Variants in OPCML observed in about 807,000 individuals in gnomAD.
OPCML encodes the protein opioid binding protein/cell adhesion molecule like, also known as opioid-binding protein/cell adhesion molecule.
Under a neutral mutation model 37.8 loss-of-function variants are expected in OPCML, and 13 were observed. The observed-to-expected ratio is 0.34, with a 90% confidence interval of 0.22 to 0.55. OPCML has a LOEUF of 0.55. Ranked by LOEUF, OPCML falls within the 20% of genes least tolerant of loss-of-function variation. The probability of loss-of-function intolerance (pLI) is 0.91; values close to 1 mark genes in which losing one functional copy is unlikely to be tolerated. For missense variants in OPCML, 341 were observed against 435.6 expected, an observed-to-expected ratio of 0.78 and a Z score of 1.93; for synonymous variants, 176 against 168.8, an observed-to-expected ratio of 1.04 and a Z score of -0.33.
chr11:133,083,174 G>T (rs1370084911), intron 1 of OPCML, among the ~76,000 whole-genome samples: 1 of 152,062 alleles, frequency 6.6e-6, no homozygotes, highest in Non-Finnish European at 1.5e-5. Flanking sequence ...ACCCCGCCGA[G>T]CGGGCCGCAC....
chr11:132,602,474 C>T (rs1937987892), intron 3 of OPCML, among the ~76,000 whole-genome samples: 2 of 152,086 alleles, frequency 1.3e-5, no homozygotes. Context: ...CTAGATTTTA[C>T]AGTTACAAAA....
intron 2 of OPCML, among the ~76,000 whole-genome samples, chr11:132,926,486 G>A (rs1390331199): frequency 6.6e-6 from 1 of 152,074 alleles, no homozygotes; most frequent in African/African-American, 2.4e-5. Flanking sequence ...TGTGTATACA[G>A]GAATGGAAAA....
At chr11:133,213,066 G>A (rs570305230) in intron 1 of OPCML, among the ~76,000 whole-genome samples, 121 of 152,218 alleles carry the variant, frequency 7.9e-4, no homozygotes, top group Admixed American at 1.2e-3. Context: ...AGTAGCTGCC[G>A]CTATGATGTA....
chr11:133,374,508 G>A (rs149617966), intron 1 of OPCML, among the ~76,000 whole-genome samples: 292 of 152,316 alleles, frequency 1.9e-3, no homozygotes, highest in African/African-American at 6.8e-3. Flanking sequence ...TTAGAAATGG[G>A]AGGAAAATGC....
At chr11:133,114,748 G>T (rs1029486424) in intron 1 of OPCML, among the ~76,000 whole-genome samples, 6 of 152,086 alleles carry the variant, frequency 3.9e-5, no homozygotes, top group Non-Finnish European at 7.3e-5. Flanking sequence ...GAATTGAGTG[G>T]GTGCTAAATA....
chr11:133,247,540 TTTTCTTTCTTTCTTTCTTTC>T (rs68035695), intron 1 of OPCML, among the ~76,000 whole-genome samples: 4 of 122,408 alleles, frequency 3.3e-5, no homozygotes, highest in Non-Finnish European at 4.8e-5. Flanking sequence ...CTTTCCTTCT[TTTTCTTTCTTTCTTTCTTTC>T]TTTCTTTCTT....
At chr11:132,446,021 T>C (rs779605974) in intron 4 of OPCML, among the ~76,000 whole-genome samples, 1 of 149,562 alleles carries the variant, frequency 6.7e-6, no homozygotes, top group African/African-American at 2.5e-5. Context: ...GATCCCCAGA[T>C]AGTCAAACGA....
intron 1 of OPCML, among the ~76,000 whole-genome samples, chr11:133,526,799 G>C (rs1948500537): frequency 6.6e-6 from 1 of 152,208 alleles, no homozygotes; most frequent in South Asian, 2.1e-4. Flanking sequence ...AAAGGCAAGA[G>C]GGACAAATGT....
intron 1 of OPCML, among the ~76,000 whole-genome samples, chr11:133,369,140 C>A (rs1345686888): frequency 6.6e-6 from 1 of 152,132 alleles, no homozygotes; most frequent in Non-Finnish European, 1.5e-5. Context: ...ATTAGTCTGC[C>A]CTCTTATTTC....
At chr11:133,270,858 T>C (rs1416504944) in intron 1 of OPCML, among the ~76,000 whole-genome samples, 1 of 152,180 alleles carries the variant, frequency 6.6e-6, no homozygotes, top group Non-Finnish European at 1.5e-5. Context: ...GTCTCTGCTG[T>C]GCTACCAAGT....
intron 1 of OPCML, among the ~76,000 whole-genome samples, chr11:133,345,625 CT>C (rs1943982053): frequency 6.6e-6 from 1 of 152,134 alleles, no homozygotes; most frequent in South Asian, 2.1e-4. Flanking sequence ...CCACAATGTT[CT>C]TTTTTTGCAC....
At chr11:133,359,145 G>A (rs987153899) in intron 1 of OPCML, among the ~76,000 whole-genome samples, 4 of 152,116 alleles carry the variant, frequency 2.6e-5, no homozygotes, top group Non-Finnish European at 5.9e-5. Flanking sequence ...TGTTTGATTC[G>A]CTTGCTATTC....
intron 1 of OPCML, among the ~76,000 whole-genome samples, chr11:133,160,110 G>T (rs565075518): frequency 1.1e-4 from 16 of 152,168 alleles, no homozygotes; most frequent in Non-Finnish European, 2.1e-4. Context: ...TCAGAAATTC[G>T]AAAGTATCCT....
At chr11:133,039,330 G>A (rs1947841723) in intron 1 of OPCML, among the ~76,000 whole-genome samples, 1 of 152,188 alleles carries the variant, frequency 6.6e-6, no homozygotes, top group Admixed American at 6.5e-5. Flanking sequence ...GCAGGTCTCA[G>A]GAGGGGCACA....
At chr11:133,230,960 T>A (rs1171681997) in intron 1 of OPCML, among the ~76,000 whole-genome samples, 1 of 152,130 alleles carries the variant, frequency 6.6e-6, no homozygotes, top group Admixed American at 6.5e-5. Flanking sequence ...CTGCCACCTC[T>A]CATAACCAGG....
rs150400405 is a variant in OPCML at position 132,946,599 on chromosome 11, G to A, written c.62-3589C>T. On this transcript the variant is annotated intron_variant, in intron 1 of 7. Coordinates refer to ENST00000524381, the MANE Select transcript of OPCML (RefSeq NM_001012393.5). Reference sequence around the variant, plus strand: ...TTTTCTATACCACTGTCATATATGCGGCCTGTCATTGACAGAGCATTGTTA... The same window carrying A: ...TTTTCTATACCACTGTCATATATGCAGCCTGTCATTGACAGAGCATTGTTA... Among the ~76,000 whole-genome samples, 1,316 of 152,182 alleles carry A rather than the reference G, an allele frequency of 8.6e-3. 11 individuals are homozygous for A. Among genetic ancestry groups the A allele is most frequent in the Non-Finnish European group, 0.013 (912 of 68,008 alleles).
chr11:132,625,774 T>G (rs1288646430), intron 3 of OPCML, among the ~76,000 whole-genome samples: 1 of 152,058 alleles, frequency 6.6e-6, no homozygotes, highest in South Asian at 2.1e-4. Context: ...ATCAGTGACC[T>G]CTCAACAGGT....
chr11:132,558,176 C>G (rs1330877087), intron 3 of OPCML, among the ~76,000 whole-genome samples: 1 of 152,026 alleles, frequency 6.6e-6, no homozygotes, highest in Non-Finnish European at 1.5e-5. Context: ...TTCCCCTTCT[C>G]CATAAAAATT....
rs1258249587 is a variant in OPCML at position 132,688,879 on chromosome 11, A to G, written c.147-31560T>C. On this transcript the variant is annotated intron_variant, in intron 2 of 7. Transcript: ENST00000524381. The stretch of plus-strand genomic sequence containing the variant: ...GCAGGAGAATGGCGTGAACCCGGGA[A>G]GCGGAGCTTGCAGTGAGCCGAGATT... 1.2e-4 allele frequency among the ~76,000 whole-genome samples: 10 copies of G among 85,180 alleles called. 3 individuals are homozygous for G. The highest frequency in any genetic ancestry group is 4.6e-4 in the South Asian group (1 of 2,158). 55.9% of individuals were successfully genotyped at this position (85,180 alleles called of 152,430 possible).
Sources: allele counts gnomAD v4.1 joint callset (sites outside exome capture counted in the v4.1 genomes callset), GRCh38; gene constraint gnomAD v4.1.1; transcripts MANE v1.5; gene names NCBI Gene and HGNC (gene_info 2026-07-23, HGNC 2026-07-21).